The following THADA variants were observed in gnomAD, a reference collection of about 807,000 sequenced individuals.
THADA encodes tRNA (32-2'-O)-methyltransferase regulator THADA.
In THADA, 213 loss-of-function variants were observed where a neutral mutation model predicts 219.8. The observed-to-expected ratio is 0.97, with a 90% CI of 0.87 to 1.09. The LOEUF is 1.09. Among genes scored for constraint, THADA ranks in the 50% least tolerant of loss-of-function variants. The pLI, the probability that THADA is intolerant of heterozygous loss-of-function variation, is 0.00. For missense variants in THADA, 2,956 were observed against 2,311.3 expected (o/e 1.28, Z -5.72); for synonymous variants, 1,018 against 828.9 (o/e 1.23, Z -3.92).
In THADA at chr2:43,397,843, GA is replaced by G. The variant is rs899836329; in HGVS notation, c.4227+127del. 4.0e-3 allele frequency: 3,362 copies of G among 846,054 alleles called. 3 individuals carry two copies. Among genetic ancestry groups the G allele is most frequent in the South Asian group, 5.7e-3 (272 of 47,766 alleles). The allele number at this position is 846,054 out of a possible 1,614,324, so 52.4% of individuals were successfully genotyped here. On this transcript the variant is annotated intron_variant, in intron 29 of 37. Coordinates refer to ENST00000405975, the MANE Select transcript of THADA (RefSeq NM_022065.5). ...GGAGATACCTGATCTTTCGGAAGTA[GA>G]AAAAAAAAAGTTCTACAGATAAAGT...
At chr2:43,368,645 G>C (rs1670451368) in intron 29 of THADA, among the ~76,000 whole-genome samples, 1 of 151,508 alleles carries the variant, frequency 6.6e-6, no homozygotes, top group Non-Finnish European at 1.5e-5. Context: ...TGATCCTCTT[G>C]TCTCAGGCTC....
chr2:43,594,867 A>G (rs6717791), intron 1 of THADA, among the ~76,000 whole-genome samples: 21,701 of 151,960 alleles, frequency 0.14, 1,776 homozygotes, highest in African/African-American at 0.23. Flanking sequence ...TTCCATGACC[A>G]CTCTATCTAA....
intron 17 of THADA, chr2:43,556,059 G>C: frequency 1.6e-6 from 1 of 616,332 alleles, no homozygotes; most frequent in East Asian, 7.5e-5. Context: ...TTTATGTAGG[G>C]AAAAAAGCAC....
At chr2:43,591,521 G>A (rs1457985568) in intron 3 of THADA, among the ~76,000 whole-genome samples, 2 of 151,526 alleles carry the variant, frequency 1.3e-5, no homozygotes, top group East Asian at 3.9e-4. Context: ...AACAGCTGTA[G>A]CACTATTAAA....
At position 43,231,344 on chromosome 2, in the gene THADA, C is replaced by G; in HGVS notation, c.5467-1G>C. The G allele has an allele frequency of 6.6e-7, 1 of 1,523,346 alleles. No individual in the cohort carries two copies. Among genetic ancestry groups the G allele is most frequent in the South Asian group, 1.3e-5 (1 of 75,422 alleles). 94.4% of individuals were successfully genotyped at this position (1,523,346 alleles called of 1,614,324 possible). On this transcript the variant is annotated splice_acceptor_variant, in intron 37 of 37. Coordinates refer to ENST00000405975, the MANE Select transcript of THADA (RefSeq NM_022065.5). LOFTEE classifies it high-confidence loss of function. Reference sequence around the variant, plus strand: ...TTTCAAACAGGTAGTCTTCTTCCACCTAAATCAGATGAAAAAGCCGAAAGT... The same window carrying G: ...TTTCAAACAGGTAGTCTTCTTCCACGTAAATCAGATGAAAAAGCCGAAAGT...
At chr2:43,364,733 C>A (rs890230956) in intron 29 of THADA, among the ~76,000 whole-genome samples, 1 of 152,150 alleles carries the variant, frequency 6.6e-6, no homozygotes, top group Non-Finnish European at 1.5e-5. Context: ...GTAGAATGAA[C>A]AGCACATATC....
chr2:43,558,316 AATTATAT>A (rs1253388025), intron 16 of THADA, among the ~76,000 whole-genome samples: 1 of 152,188 alleles, frequency 6.6e-6, no homozygotes, highest in African/African-American at 2.4e-5. Context: ...ATTAAAAATT[AATTATAT>A]ATTATATAAG....
intron 15 of THADA, among the ~76,000 whole-genome samples, chr2:43,561,738 A>T (rs6705356): frequency 0.21 from 32,547 of 151,494 alleles, 3,608 homozygotes; most frequent in Middle Eastern, 0.28. Context: ...ACTGCTTTTT[A>T]TTTTTTTCTT....
At chr2:43,504,054 C>A (rs890261991) in intron 24 of THADA, among the ~76,000 whole-genome samples, 16 of 151,576 alleles carry the variant, frequency 1.1e-4, no homozygotes, top group Admixed American at 1.3e-4. Flanking sequence ...CAGTATAATG[C>A]AAATATGCCA....
In THADA at chr2:43,515,228, A is replaced by ATT. The variant is rs1418651625; in HGVS notation, c.3375-6449_3375-6448insAA. ...ATATAATATATAATATATTATATAT[A>ATT]ATATATAATATATAATATATTATAT... On this transcript the variant is annotated intron_variant, in intron 22 of 37. Coordinates refer to ENST00000405975, the MANE Select transcript of THADA (RefSeq NM_022065.5). Among the ~76,000 whole-genome samples, 20 of 9,636 alleles carry ATT rather than the reference A, an allele frequency of 2.1e-3. 1 individual carries two copies. Among genetic ancestry groups the ATT allele is most frequent in the Non-Finnish European group, 2.5e-3 (15 of 6,108 alleles). 6.3% of individuals were successfully genotyped at this position (9,636 alleles called of 152,430 possible).
At chr2:43,357,319 A>G (rs187229308) in intron 29 of THADA, among the ~76,000 whole-genome samples, 1 of 152,316 alleles carries the variant, frequency 6.6e-6, no homozygotes, top group East Asian at 1.9e-4. Flanking sequence ...CAAGAAAATA[A>G]GATACTCTCA....
At chr2:43,518,187 C>T (rs1035114892) in intron 22 of THADA, among the ~76,000 whole-genome samples, 2 of 152,000 alleles carry the variant, frequency 1.3e-5, no homozygotes, top group Non-Finnish European at 2.9e-5. Flanking sequence ...ATAGGGAGCT[C>T]AATAAATATT....
chr2:43,386,738 T>C (rs1229144293), intron 29 of THADA, among the ~76,000 whole-genome samples: 2 of 151,778 alleles, frequency 1.3e-5, no homozygotes, highest in African/African-American at 2.4e-5. Flanking sequence ...TACTAAAACA[T>C]ACAAAAAATT....
intron 36 of THADA, among the ~76,000 whole-genome samples, chr2:43,266,666 A>T (rs535448479): frequency 7.2e-5 from 11 of 152,288 alleles, no homozygotes; most frequent in African/African-American, 2.6e-4. Flanking sequence ...GCCCTTAAAA[A>T]GCTTAGTGTG....
At chr2:43,411,521 T>C (rs560391821) in intron 28 of THADA, among the ~76,000 whole-genome samples, 2 of 152,320 alleles carry the variant, frequency 1.3e-5, no homozygotes, top group South Asian at 4.1e-4. Flanking sequence ...ACCTGCTTTC[T>C]AATATTTTGA....
At position 43,549,373 on chromosome 2, in the gene THADA, G is replaced by C. The variant is rs750962697; in HGVS notation, c.2948-5C>G. The C allele has an allele frequency of 1.9e-6, 3 of 1,599,086 alleles. No individual in the cohort carries two copies. The highest frequency in any genetic ancestry group is 3.5e-5 in the Admixed American group (2 of 56,844). On this transcript the variant is annotated splice_region_variant and splice_polypyrimidine_tract_variant and intron_variant, in intron 19 of 37. Transcript: ENST00000405975. ...TCTGTAAGCGGCTTGCTGACTCTGA[G>C]GGAAAGAAATGAGCGTACATGAAAC...
rs1027121102 is a variant in THADA, at chr2:43,291,782, C to A, written c.4938-14G>T. On this transcript the variant is annotated splice_polypyrimidine_tract_variant and intron_variant, in intron 33 of 37. Transcript: ENST00000405975. ...TGAATTTCAGATCTAGAAAAATAAA[C>A]AAACAAAAAAACAACACAAAATTAC... 3 of 1,533,518 alleles carry A rather than the reference C, an allele frequency of 2.0e-6. No homozygotes were observed. Among genetic ancestry groups the A allele is most frequent in the Admixed American group, 2.1e-5 (1 of 47,194 alleles). The allele number at this position is 1,533,518 out of a possible 1,614,324, so 95.0% of individuals were successfully genotyped here.
At position 43,587,000 on chromosome 2, in the gene THADA, G is replaced by T; in HGVS notation, c.305C>A (p.Ser102Ter). The T allele has an allele frequency of 6.2e-7, 1 of 1,612,246 alleles. No homozygotes were observed. Among genetic ancestry groups the T allele is most frequent in the Non-Finnish European group, 8.5e-7 (1 of 1,179,184 alleles). ...KNPLKKVLAS[S>*]LNSLPDFFLP... ...AAAAAAATCAGGCAGGCTATTTAGTGAGCTAGAAAAAGAAACAAATATTAA... is the reference window on the plus strand; with the variant it reads ...AAAAAAATCAGGCAGGCTATTTAGTTAGCTAGAAAAAGAAACAAATATTAA... The change falls in exon 5 of 38, where the codon TCA becomes TAA. Residue 102 changes from serine to a stop codon, truncating the protein, a stop_gained and splice_region_variant. Coordinates refer to ENST00000405975, the MANE Select transcript of THADA (RefSeq NM_022065.5). LOFTEE classifies it high-confidence loss of function.
At chr2:43,310,640 G>A (rs908695108) in intron 31 of THADA, among the ~76,000 whole-genome samples, 2 of 152,138 alleles carry the variant, frequency 1.3e-5, no homozygotes, top group African/African-American at 4.8e-5. Flanking sequence ...AACTTCCAGA[G>A]GAAAACATGG....
Sources: gnomAD v4.1 joint callset for allele counts (sites outside exome capture counted in the v4.1 genomes callset) on GRCh38, gnomAD v4.1.1 for gene constraint, MANE v1.5 for transcripts, NCBI Gene and HGNC (gene_info 2026-07-23, HGNC 2026-07-21) for gene names.